NAP1L4: variants seen among roughly 807,000 people sequenced by gnomAD.
NAP1L4 encodes nucleosome assembly protein 1 like 4.
A neutral mutation model predicts 58.2 loss-of-function variants in NAP1L4; 15 were observed. That is an observed-to-expected ratio of 0.26 (90% CI 0.17 to 0.40). NAP1L4 has a LOEUF of 0.40. Among genes scored for constraint, NAP1L4 ranks in the 10% least tolerant of loss-of-function variants. The pLI, the probability that NAP1L4 is intolerant of heterozygous loss-of-function variation, is 1.00. For synonymous variants in NAP1L4, 171 were observed against 155.6 expected (o/e 1.10, Z -0.74); for missense variants, 384 against 451.1 (o/e 0.85, Z 1.35).
In NAP1L4 at chr11:2,954,333, C is replaced by T. The variant is rs913903634; in HGVS notation, c.1035+194G>A. On this transcript the variant is annotated intron_variant, in intron 12 of 15. Coordinates refer to ENST00000380542, the MANE Select transcript of NAP1L4 (RefSeq NM_005969.4). This position sits in a 1 kb window ranked among gnomAD's most constrained non-coding sequence, Gnocchi z 4.8. ...ACTGCTTCACAGACACCTGCTTTTC[C>T]TGCTCTGTTCCTCAGACTTCTCCTC... 2.6e-5 allele frequency: 21 copies of T among 814,820 alleles called. No individual in the cohort carries two copies. In the African/African-American group the frequency reaches 3.4e-4, roughly 13 times the overall value. 50.5% of individuals were successfully genotyped at this position (814,820 alleles called of 1,614,324 possible).
At chr11:2,992,214 C>G (rs1177341772) in intron 1 of NAP1L4, 40 bp downstream of exon 1, 1 of 152,340 alleles carries the variant, frequency 6.6e-6, no homozygotes, top group Non-Finnish European at 1.5e-5. Flanking sequence ...GCCGCCCTCC[C>G]CAGCGCGCCG....
rs1846472316 is a variant in NAP1L4, at chr11:2,955,347, C to T, written c.915+397G>A. ...GAGTAGCTGAGATTACAGGCGCTGC[C>T]ACCGTGTCCAACTAATTTTTTTTTT... On this transcript the variant is annotated intron_variant, in intron 11 of 15. Transcript: ENST00000380542. This position sits in a 1 kb window ranked among gnomAD's most constrained non-coding sequence, Gnocchi z 4.2. Among the ~76,000 whole-genome samples, 1 of 151,660 alleles carries T rather than the reference C, an allele frequency of 6.6e-6. No homozygotes were observed. Among genetic ancestry groups the T allele is most frequent in the African/African-American group, 2.4e-5 (1 of 41,030 alleles).
intron 8 of NAP1L4, among the ~76,000 whole-genome samples, chr11:2,960,288 G>A (rs757744756): frequency 5.3e-5 from 8 of 152,108 alleles, no homozygotes; most frequent in African/African-American, 7.2e-5. Flanking sequence ...GTCCTTTTCC[G>A]CTCAGCCTAA....
At chr11:2,987,719 T>C (rs1848721987) in intron 1 of NAP1L4, among the ~76,000 whole-genome samples, 1 of 133,506 alleles carries the variant, frequency 7.5e-6, no homozygotes, top group Non-Finnish European at 1.5e-5. Context: ...ATCGCGCCAC[T>C]GCACTCCAGC....
Position 2,954,750 on chromosome 11 carries a change from T to G in NAP1L4, c.916-104A>C. 2.0e-6 allele frequency: 3 copies of G among 1,471,984 alleles called. No individual in the cohort carries two copies. The South Asian group carries it at 3.4e-5, about 17-fold the overall frequency. 91.2% of individuals were successfully genotyped at this position (1,471,984 alleles called of 1,614,324 possible). On this transcript the variant is annotated intron_variant, in intron 11 of 15. Transcript: ENST00000380542. The surrounding 1 kb of genome is among the most constrained non-coding windows in gnomAD (Gnocchi z 4.8). Reference sequence around the variant, plus strand: ...GCCCCTCACTTTTGATTTACTTAACTTAAAACACCAAACTCCTGCACTGCT... The same window carrying G: ...GCCCCTCACTTTTGATTTACTTAACGTAAAACACCAAACTCCTGCACTGCT...
chr11:2,964,872 C>G (rs1043254657), intron 7 of NAP1L4, 121 bp from the exon 8 acceptor site: 7 of 711,160 alleles, frequency 9.8e-6, no homozygotes, highest in African/African-American at 8.9e-5. Flanking sequence ...GAATTCTGTC[C>G]TTGTCAAAGT....
intron 7 of NAP1L4, among the ~76,000 whole-genome samples, chr11:2,967,355 GTAA>G (rs1847343411): frequency 6.6e-6 from 1 of 152,202 alleles, no homozygotes; most frequent in African/African-American, 2.4e-5. Context: ...GCTCACGCCT[GTAA>G]TCCCAGCACT....
chr11:2,962,349 C>T (rs1222880225), intron 8 of NAP1L4, among the ~76,000 whole-genome samples: 1 of 152,202 alleles, frequency 6.6e-6, no homozygotes, highest in Non-Finnish European at 1.5e-5. Flanking sequence ...GATGTGGCAG[C>T]AGGGTGACAC....
intron 4 of NAP1L4, among the ~76,000 whole-genome samples, chr11:2,973,064 G>T (rs1847743996): frequency 6.6e-6 from 1 of 152,228 alleles, no homozygotes; most frequent in Non-Finnish European, 1.5e-5. Context: ...GACAATGCAA[G>T]TGCAACAGCA....
intron 1 of NAP1L4, chr11:2,990,509 T>C (rs1382843275): frequency 6.6e-6 from 1 of 152,242 alleles, no homozygotes; most frequent in Non-Finnish European, 1.5e-5. Context: ...TAGGAGGCAT[T>C]TGGCATTCTG....
intron 1 of NAP1L4, among the ~76,000 whole-genome samples, chr11:2,981,958 C>G (rs1400871320): frequency 6.6e-6 from 1 of 152,208 alleles, no homozygotes; most frequent in East Asian, 1.9e-4. Flanking sequence ...TTGCTGCAAT[C>G]ACAGTATTCC....
chr11:2,983,999 A>T (rs1848476465), intron 1 of NAP1L4, among the ~76,000 whole-genome samples: 1 of 151,458 alleles, frequency 6.6e-6, no homozygotes, highest in Non-Finnish European at 1.5e-5. Flanking sequence ...AAAAAGAAAA[A>T]AAAAAAAAAT....
rs372760861 is a variant in NAP1L4 at position 2,951,236 on chromosome 11, T to C, written c.1122+23A>G. ...AAGAGTGCAGCATAATAAGTAGGTC[T>C]GGGTGGCCCCAAAGTTACCAACCTT... On this transcript the variant is annotated intron_variant, in intron 14 of 15. Coordinates refer to ENST00000380542, the MANE Select transcript of NAP1L4 (RefSeq NM_005969.4). The surrounding 1 kb of genome is among the most constrained non-coding windows in gnomAD (Gnocchi z 4.0). The C allele has an allele frequency of 9.9e-6, 16 of 1,608,300 alleles. No individual in the cohort carries two copies. The highest frequency in any genetic ancestry group is 1.4e-5 in the Non-Finnish European group (16 of 1,174,930).
chr11:2,963,788 G>A, intron 8 of NAP1L4: 1 of 519,296 alleles, frequency 1.9e-6, no homozygotes. Flanking sequence ...TCCAAGACCT[G>A]AAACTGAAAG....
intron 8 of NAP1L4, among the ~76,000 whole-genome samples, chr11:2,963,345 G>A (rs975054601): frequency 5.3e-5 from 8 of 152,120 alleles, no homozygotes; most frequent in Non-Finnish European, 8.8e-5. Context: ...GCTCCTGGGG[G>A]CCCTGTGATA....
chr11:2,985,055 T>A (rs973205697), intron 1 of NAP1L4, among the ~76,000 whole-genome samples: 1 of 152,208 alleles, frequency 6.6e-6, no homozygotes, highest in African/African-American at 2.4e-5. Flanking sequence ...CTTATTCACA[T>A]AGACTGAAGG....
At chr11:2,967,981 C>T (rs1175790734) in intron 7 of NAP1L4, among the ~76,000 whole-genome samples, 1 of 152,186 alleles carries the variant, frequency 6.6e-6, no homozygotes, top group African/African-American at 2.4e-5. Context: ...CACCAAAACT[C>T]ACTCAAGTCA....
At position 2,951,744 on chromosome 11, in the gene NAP1L4, G is replaced by A. The variant is rs370702852; in HGVS notation, c.1065+36C>T. The A allele has an allele frequency of 5.0e-6, 8 of 1,609,646 alleles. No individual in the cohort carries two copies. The highest frequency in any genetic ancestry group is 1.3e-5 in the African/African-American group (1 of 74,824). ...AGAGAAAGCCAAAGAAACAACTTCA[G>A]GGAGGTAAGTGGCACTGCATAAACC... On this transcript the variant is annotated intron_variant, in intron 13 of 15. Coordinates refer to ENST00000380542, the MANE Select transcript of NAP1L4 (RefSeq NM_005969.4). This position sits in a 1 kb window ranked among gnomAD's most constrained non-coding sequence, Gnocchi z 4.0.
intron 4 of NAP1L4, among the ~76,000 whole-genome samples, chr11:2,975,448 G>A (rs1460897713): frequency 1.3e-5 from 2 of 152,066 alleles, no homozygotes; most frequent in Non-Finnish European, 1.5e-5. Context: ...AAGCAAAGGT[G>A]TCAGCCAGGC....
Sources: allele counts gnomAD v4.1 joint callset (sites outside exome capture counted in the v4.1 genomes callset), GRCh38; gene constraint gnomAD v4.1.1; non-coding constraint Gnocchi (gnomAD v3.1); transcripts MANE v1.5; gene names NCBI Gene and HGNC (gene_info 2026-07-23, HGNC 2026-07-21).